NUP210L: variants seen among roughly 807,000 people sequenced by gnomAD.
NUP210L encodes the protein nucleoporin 210 like.
In NUP210L, 74 loss-of-function variants were observed where a neutral mutation model predicts 208.5. The ratio of observed to expected loss-of-function variants is 0.35; its 90% CI spans 0.29 to 0.43. The LOEUF is 0.43. Among genes scored for constraint, NUP210L ranks in the 20% least tolerant of loss-of-function variants. The pLI is 1.00. For synonymous variants in NUP210L, 780 were observed against 816.9 expected (o/e 0.95, Z 0.77); for missense variants, 1,843 against 2,289.4 (o/e 0.81, Z 3.98).
At chr1:154,025,588 G>T in exon 30 of NUP210L, 1 of 1,613,696 alleles carries the variant, frequency 6.2e-7, no homozygotes, top group Non-Finnish European at 8.5e-7. Context: ...AGGTTCTATA[G>T]AAGTGACTTC....
chr1:154,115,639 C>A (rs1447183156), intron 12 of NUP210L, among the ~76,000 whole-genome samples: 3 of 152,140 alleles, frequency 2.0e-5, no homozygotes, highest in Non-Finnish European at 4.4e-5. Flanking sequence ...TCTCACATAT[C>A]ATTTTCTTAA....
intron 22 of NUP210L, among the ~76,000 whole-genome samples, chr1:154,057,366 A>T (rs1653923492): frequency 6.6e-6 from 1 of 152,134 alleles, no homozygotes; most frequent in Non-Finnish European, 1.5e-5. Flanking sequence ...GGGGAATTGC[A>T]AGAAAATAAA....
At chr1:154,059,912 T>C (rs1342610774) in intron 20 of NUP210L, among the ~76,000 whole-genome samples, 5 of 152,164 alleles carry the variant, frequency 3.3e-5, no homozygotes, top group African/African-American at 1.2e-4. Flanking sequence ...AGGTTAATGT[T>C]TTGAGTTGTC....
At chr1:154,115,653 G>A (rs1221137376) in intron 12 of NUP210L, among the ~76,000 whole-genome samples, 1 of 151,946 alleles carries the variant, frequency 6.6e-6, no homozygotes, top group Non-Finnish European at 1.5e-5. Flanking sequence ...TTCTTAAAAT[G>A]TTATTTGACT....
At chr1:154,031,743 G>A (rs1652239772) in intron 27 of NUP210L, among the ~76,000 whole-genome samples, 12 of 150,182 alleles carry the variant, frequency 8.0e-5, no homozygotes, top group Admixed American at 7.3e-4. Context: ...TTTTAAGACA[G>A]GGTTTCGTTC....
At chr1:154,015,962 A>G (rs1430044757) in intron 33 of NUP210L, among the ~76,000 whole-genome samples, 1 of 151,006 alleles carries the variant, frequency 6.6e-6, no homozygotes, top group Admixed American at 6.6e-5. Context: ...ATAAAAATAA[A>G]AAAAATAGAT....
chr1:154,039,480 C>T (rs1652744275), intron 27 of NUP210L, among the ~76,000 whole-genome samples: 2 of 152,146 alleles, frequency 1.3e-5, no homozygotes, highest in African/African-American at 4.8e-5. Flanking sequence ...AGACAATCCA[C>T]CTGCCTCGGC....
rs1649777269 is a variant in NUP210L, at chr1:153,995,316, ATCTCAGCTCACTG to A, written c.5387-149_5387-137del. ...CCCCAGGCTGGAGGGCAGTGGTGCG[ATCTCAGCTCACTG>A]CAACCTCCAGCAGATGCTGCATTTT... is the stretch of plus-strand genomic sequence containing the variant. On this transcript the variant is annotated intron_variant, in intron 37 of 39. Transcript: ENST00000368559. 4.8e-6 allele frequency: 3 copies of A among 629,638 alleles called. No individual in the cohort carries two copies. In the East Asian group the frequency reaches 8.3e-5, roughly 17 times the overall value. 39.0% of individuals were successfully genotyped at this position (629,638 alleles called of 1,614,324 possible).
At chr1:154,146,395 T>G (rs894769053) in intron 2 of NUP210L, among the ~76,000 whole-genome samples, 9 of 152,170 alleles carry the variant, frequency 5.9e-5, no homozygotes, top group African/African-American at 1.9e-4. Context: ...AAGTATGGAA[T>G]ATATGAAGGA....
intron 10 of NUP210L, among the ~76,000 whole-genome samples, chr1:154,119,904 T>C (rs189213910): frequency 5.3e-5 from 8 of 152,356 alleles, no homozygotes; most frequent in African/African-American, 1.7e-4. Flanking sequence ...TTTGGGTATA[T>C]ACCCAGTAAT....
intron 27 of NUP210L, among the ~76,000 whole-genome samples, chr1:154,036,591 C>T (rs1280290833): frequency 2.6e-5 from 4 of 151,756 alleles, no homozygotes; most frequent in African/African-American, 9.7e-5. Context: ...TCTCAAACTC[C>T]TGACCTCAAG....
intron 16 of NUP210L, among the ~76,000 whole-genome samples, chr1:154,088,985 T>A (rs1478203345): frequency 2.0e-5 from 3 of 152,194 alleles, no homozygotes; most frequent in Non-Finnish European, 4.4e-5. Context: ...TTTTATTATT[T>A]ATTAATATTG....
chr1:154,008,121 C>T (rs1298480509), intron 35 of NUP210L, among the ~76,000 whole-genome samples: 1 of 151,978 alleles, frequency 6.6e-6, no homozygotes, highest in East Asian at 1.9e-4. Flanking sequence ...ATTTGTCCGC[C>T]ATGGCCTCCC....
intron 12 of NUP210L, among the ~76,000 whole-genome samples, chr1:154,114,981 C>T: frequency 6.6e-6 from 1 of 152,154 alleles, no homozygotes; most frequent in East Asian, 1.9e-4. Flanking sequence ...CTCTTCCCTG[C>T]TCAATCAAAT....
chr1:154,120,144 G>C lies in NUP210L; in HGVS notation c.1327-1336C>G, dbSNP rs370404368. On this transcript the variant is annotated intron_variant, in intron 10 of 39. Coordinates refer to ENST00000368559, the Ensembl canonical transcript of NUP210L. ...TTGATTTGCATTTCTCTGATGGCCAGTGATGAGGAGCATTTTTTCATGTGT... is the reference window on the plus strand; with the variant it reads ...TTGATTTGCATTTCTCTGATGGCCACTGATGAGGAGCATTTTTTCATGTGT... 2.6e-3 allele frequency among the ~76,000 whole-genome samples: 403 copies of C among 152,302 alleles called. 2 individuals carry two copies. Among genetic ancestry groups the C allele is most frequent in the African/African-American group, 9.2e-3 (384 of 41,556 alleles).
chr1:154,112,510 G>A (rs1392521805), intron 12 of NUP210L, among the ~76,000 whole-genome samples: 2 of 152,136 alleles, frequency 1.3e-5, no homozygotes, highest in Non-Finnish European at 1.5e-5. Flanking sequence ...CGTTTACCCT[G>A]ATGTGACTAT....
rs564059491 is a variant in NUP210L at position 154,013,704 on chromosome 1, T to A, written c.4654-1334A>T. 2.0e-5 allele frequency among the ~76,000 whole-genome samples: 3 copies of A among 152,310 alleles called. No homozygotes were observed. In the South Asian group the frequency reaches 6.2e-4, roughly 32 times the overall value. ...CTCAATCTTTTCTGAAACTTCAAAG[T>A]ACATTGTTTTTTCTCAAGAATACTT... On this transcript the variant is annotated intron_variant, in intron 33 of 39. Transcript: ENST00000368559.
chr1:153,998,770 A>T (rs1327286286), intron 37 of NUP210L, among the ~76,000 whole-genome samples: 1 of 135,418 alleles, frequency 7.4e-6, no homozygotes, highest in Non-Finnish European at 1.5e-5. Context: ...CCCAGGCTGG[A>T]GTGCAGTGGT....
intron 7 of NUP210L, among the ~76,000 whole-genome samples, chr1:154,132,143 T>G (rs1215600560): frequency 6.6e-6 from 1 of 152,172 alleles, no homozygotes; most frequent in Non-Finnish European, 1.5e-5. Flanking sequence ...AAGCATTCCT[T>G]CAGATCCTCC....
Sources: allele counts gnomAD v4.1 joint callset (sites outside exome capture counted in the v4.1 genomes callset), GRCh38; gene constraint gnomAD v4.1.1; transcripts MANE v1.5; gene names NCBI Gene and HGNC (gene_info 2026-07-23, HGNC 2026-07-21).